Variants in GAN observed in about 807,000 individuals in gnomAD.
The protein encoded by GAN is epididymis secretory sperm binding protein.
GAN carries 48 observed loss-of-function variants against 71.3 expected under a neutral mutation model. That is an observed-to-expected ratio of 0.67 (90% CI 0.53 to 0.86). The LOEUF (loss-of-function observed/expected upper bound fraction) is 0.86. Ranked by LOEUF, GAN falls within the 40% of genes least tolerant of loss-of-function variation. GAN has a pLI of 0.00. For synonymous variants in GAN, 386 were observed against 276.8 expected, an observed-to-expected ratio of 1.39 and a Z score of -3.92; for missense variants, 928 against 770.1, an observed-to-expected ratio of 1.21 and a Z score of -2.43.
In GAN at chr16:81,389,084, G is replaced by A. The variant is rs1904489266; in HGVS notation, c.*11488G>A. On this transcript the variant is annotated 3_prime_UTR_variant, in exon 11 of 11. Transcript: ENST00000648994. ...TGTGGGTGATAACATCTTTTTCCTA[G>A]ATCGTACCTCAAAATTCAGGCTCTC... The A allele has an allele frequency of 6.6e-6, 1 of 152,180 alleles. No homozygotes were observed. The highest frequency in any genetic ancestry group is 2.4e-5 in the African/African-American group (1 of 41,452). The allele number at this position is 152,180 out of a possible 1,614,324, so 9.4% of individuals were successfully genotyped here. A position where few individuals can be genotyped will look rare whatever the true frequency, so the allele number is the denominator to read the frequency against.
chr16:81,363,746 A>G (rs758810101), intron 6 of GAN, 48 bp from the exon 7 acceptor site: 37 of 1,586,820 alleles, frequency 2.3e-5, no homozygotes, highest in Non-Finnish European at 3.1e-5. Context: ...TCAGCTTTCA[A>G]TATGATCATT....
chr16:81,376,674 A>G (rs1407017171), intron 9 of GAN, among the ~76,000 whole-genome samples: 2 of 147,722 alleles, frequency 1.4e-5, no homozygotes, highest in East Asian at 2.0e-4. Flanking sequence ...GTGTATATAC[A>G]TATGTGTATA....
At chr16:81,321,848 T>C (rs1597388073) in intron 1 of GAN, among the ~76,000 whole-genome samples, 2 of 152,206 alleles carry the variant, frequency 1.3e-5, no homozygotes, top group East Asian at 3.8e-4. Context: ...CAGGCTATGG[T>C]TGCGACCTTG....
At chr16:81,337,601 G>A (rs1022816340) in intron 1 of GAN, among the ~76,000 whole-genome samples, 2 of 152,162 alleles carry the variant, frequency 1.3e-5, no homozygotes, top group East Asian at 1.9e-4. Context: ...GGGACTATAC[G>A]TACCCAGTGG....
At chr16:81,339,773 C>G (rs1895539) in intron 1 of GAN, among the ~76,000 whole-genome samples, 121,700 of 152,140 alleles carry the variant, frequency 0.8, 49,005 homozygotes, top group East Asian at 0.95. Flanking sequence ...GCTGGCATTA[C>G]AACTGATCTT....
Position 81,387,276 on chromosome 16 carries a change from G to A in GAN, c.*9680G>A, listed in dbSNP as rs1904430574. 6.6e-6 allele frequency: 1 copy of A among 152,142 alleles called. No individual in the cohort carries two copies. 9.4% of individuals were successfully genotyped at this position (152,142 alleles called of 1,614,324 possible). A position where few individuals can be genotyped will look rare whatever the true frequency, so the allele number is the denominator to read the frequency against. The stretch of plus-strand genomic sequence containing the variant: ...AAAAAAGTTTTGTTGCGGGGGGTGG[G>A]ATATTGATCATTTGAACATATGCCA... On this transcript the variant is annotated 3_prime_UTR_variant, in exon 11 of 11. Coordinates refer to ENST00000648994, the MANE Select transcript of GAN (RefSeq NM_022041.4).
chr16:81,368,575 A>T (rs1363838333), intron 9 of GAN, among the ~76,000 whole-genome samples: 8 of 152,022 alleles, frequency 5.3e-5, no homozygotes, highest in Admixed American at 1.3e-4. Context: ...GTGCCACTAC[A>T]CTCCATCCTG....
intron 1 of GAN, among the ~76,000 whole-genome samples, chr16:81,348,021 A>T (rs1395167647): frequency 6.6e-6 from 1 of 151,926 alleles, no homozygotes; most frequent in African/African-American, 2.4e-5. Context: ...TTATTTAATA[A>T]ATTTTAAAAA....
At position 81,384,477 on chromosome 16, in the gene GAN, CAG is replaced by C. The variant is rs1491516620; in HGVS notation, c.*6882_*6883del. 3 of 152,052 alleles carry C rather than the reference CAG, an allele frequency of 2.0e-5. No individual in the cohort carries two copies. Among genetic ancestry groups the C allele is most frequent in the East Asian group, 1.9e-4 (1 of 5,198 alleles). 9.4% of individuals were successfully genotyped at this position (152,052 alleles called of 1,614,324 possible). On this transcript the variant is annotated 3_prime_UTR_variant, in exon 11 of 11. Transcript: ENST00000648994. Reference sequence around the variant, plus strand: ...ATTTAAACGCCACTGCTGTGTAAAACAGGGGGCTCGATTTCCATTCTTGTTAG... The same window carrying C: ...ATTTAAACGCCACTGCTGTGTAAAACGGGGCTCGATTTCCATTCTTGTTAG...
chr16:81,344,608 C>G (rs559470784), intron 1 of GAN, among the ~76,000 whole-genome samples: 2 of 152,226 alleles, frequency 1.3e-5, no homozygotes, highest in South Asian at 4.1e-4. Context: ...CAAAAATCAA[C>G]TCAAGATGGA....
At chr16:81,344,021 AAG>A in intron 1 of GAN, among the ~76,000 whole-genome samples, 1 of 152,342 alleles carries the variant, frequency 6.6e-6, no homozygotes, top group South Asian at 2.1e-4. Flanking sequence ...AATTGCTACT[AAG>A]AGAATAAAAT....
chr16:81,344,071 C>T (rs956727523), intron 1 of GAN, among the ~76,000 whole-genome samples: 1 of 152,178 alleles, frequency 6.6e-6, no homozygotes, highest in East Asian at 1.9e-4. Context: ...TGAAGGACCT[C>T]TTCAAGGAGA....
intron 9 of GAN, among the ~76,000 whole-genome samples, chr16:81,366,819 C>CT (rs956885911): frequency 5.3e-5 from 8 of 151,244 alleles, no homozygotes; most frequent in Admixed American, 6.6e-5. Flanking sequence ...GGGATGAAGT[C>CT]TTTTTTTTTC....
intron 7 of GAN, 151 bp from the exon 8 acceptor site, chr16:81,364,823 T>G: frequency 2.6e-6 from 2 of 775,848 alleles, no homozygotes; most frequent in South Asian, 2.9e-5. Flanking sequence ...TAAAGTCCGG[T>G]GTTGTAATAC....
At chr16:81,364,041 G>T in intron 7 of GAN, 98 bp downstream of exon 7, 1 of 960,896 alleles carries the variant, frequency 1.0e-6, no homozygotes, top group Non-Finnish European at 1.7e-6. Flanking sequence ...ATAACTGATG[G>T]TGTTAAAAGA....
rs1904495984 is a variant in GAN at position 81,389,322 on chromosome 16, T to C, written c.*11726T>C. The C allele has an allele frequency of 6.6e-6, 1 of 152,228 alleles. No individual in the cohort carries two copies. Among genetic ancestry groups the C allele is most frequent in the Non-Finnish European group, 1.5e-5 (1 of 68,036 alleles). The allele number at this position is 152,228 out of a possible 1,614,324, so 9.4% of individuals were successfully genotyped here. A position where few individuals can be genotyped will look rare whatever the true frequency, so the allele number is the denominator to read the frequency against. On this transcript the variant is annotated 3_prime_UTR_variant, in exon 11 of 11. Coordinates refer to ENST00000648994, the MANE Select transcript of GAN (RefSeq NM_022041.4). ...CTTCAGTTCGCCGGCGACGTAATGG[T>C]GATACCCTTTGTTTTTTGTATCATA... is the stretch of plus-strand genomic sequence containing the variant.
chr16:81,349,403 C>T (rs976166465), intron 1 of GAN, among the ~76,000 whole-genome samples: 1 of 152,128 alleles, frequency 6.6e-6, no homozygotes, highest in African/African-American at 2.4e-5. Context: ...AATCGCAGCA[C>T]TTTGGGAGGC....
At chr16:81,358,075 C>T (rs2150687747) in intron 5 of GAN, 144 bp downstream of exon 5, 1 of 761,262 alleles carries the variant, frequency 1.3e-6, no homozygotes, top group Non-Finnish European at 2.3e-6. Flanking sequence ...GCTTCTGAGA[C>T]CGTGGTTAGG....
At chr16:81,325,791 A>G (rs1273493720) in intron 1 of GAN, among the ~76,000 whole-genome samples, 1 of 152,238 alleles carries the variant, frequency 6.6e-6, no homozygotes, top group African/African-American at 2.4e-5. Context: ...AGTGGGGAAG[A>G]CAACAGTCTG....
Sources: gnomAD v4.1 joint callset for allele counts (sites outside exome capture counted in the v4.1 genomes callset) on GRCh38, gnomAD v4.1.1 for gene constraint, MANE v1.5 for transcripts, NCBI Gene and HGNC (gene_info 2026-07-23, HGNC 2026-07-21) for gene names.